PBX3: variants seen among roughly 807,000 people sequenced by gnomAD.
The protein encoded by PBX3 is pre-B-cell leukemia transcription factor 3.
In PBX3, 14 loss-of-function variants were observed where a neutral mutation model predicts 48.5. The observed-to-expected ratio is 0.29, with a 90% CI of 0.19 to 0.45. PBX3 has a LOEUF of 0.45. Among genes scored for constraint, PBX3 ranks in the 20% least tolerant of loss-of-function variants. The probability of loss-of-function intolerance (pLI) is 1.00; values close to 1 mark genes in which losing one functional copy is unlikely to be tolerated. For synonymous variants in PBX3, 210 were observed against 200.3 expected (o/e 1.05, Z -0.41); for missense variants, 386 against 546.7 (o/e 0.71, Z 2.93).
intron 2 of PBX3, among the ~76,000 whole-genome samples, chr9:125,826,167 A>G (rs575756395): frequency 1.2e-4 from 18 of 152,262 alleles, no homozygotes; most frequent in Non-Finnish European, 5.9e-5. Flanking sequence ...ATTTACCACA[A>G]TCTTACCAGG....
At chr9:125,750,058 A>G (rs1417795893) in intron 2 of PBX3, among the ~76,000 whole-genome samples, 2 of 152,240 alleles carry the variant, frequency 1.3e-5, no homozygotes, top group Non-Finnish European at 2.9e-5. Flanking sequence ...TGACTGTAAA[A>G]TAAGACATCT....
intron 2 of PBX3, among the ~76,000 whole-genome samples, chr9:125,804,779 T>C (rs907652048): frequency 2.0e-5 from 3 of 151,570 alleles, no homozygotes; most frequent in African/African-American, 7.3e-5. Context: ...AACCCCATCT[T>C]TACTAAAAAT....
chr9:125,783,578 C>T (rs1453202463), intron 2 of PBX3, among the ~76,000 whole-genome samples: 3 of 152,168 alleles, frequency 2.0e-5, no homozygotes, highest in Non-Finnish European at 2.9e-5. Flanking sequence ...TCAGCCACCA[C>T]GTGGGCCTGA....
intron 5 of PBX3, among the ~76,000 whole-genome samples, chr9:125,958,848 G>C (rs766068493): frequency 2.6e-5 from 4 of 152,188 alleles, no homozygotes; most frequent in African/African-American, 4.8e-5. Flanking sequence ...AGAGAAGAAG[G>C]CCAAGAGCTG....
intron 5 of PBX3, among the ~76,000 whole-genome samples, chr9:125,943,072 G>C (rs935364803): frequency 3.9e-5 from 6 of 152,032 alleles, no homozygotes; most frequent in African/African-American, 1.2e-4. Flanking sequence ...CAAGGATAAA[G>C]AGACAATTTT....
chr9:125,845,525 G>A (rs945706335), intron 2 of PBX3, among the ~76,000 whole-genome samples: 1 of 151,970 alleles, frequency 6.6e-6, no homozygotes, highest in Non-Finnish European at 1.5e-5. Context: ...TCAAATGAAC[G>A]GCTAACAGAT....
chr9:125,873,677 A>G (rs1840181134), intron 2 of PBX3, among the ~76,000 whole-genome samples: 1 of 152,184 alleles, frequency 6.6e-6, no homozygotes, highest in South Asian at 2.1e-4. Flanking sequence ...ACCAACACTT[A>G]GGAAATATGA....
intron 4 of PBX3, among the ~76,000 whole-genome samples, chr9:125,934,500 C>A (rs141134170): frequency 6.6e-6 from 1 of 152,098 alleles, no homozygotes. Flanking sequence ...ATCTTAATAA[C>A]AAAACCCAAA....
chr9:125,766,375 C>T (rs1203367048), intron 2 of PBX3, among the ~76,000 whole-genome samples: 3 of 151,992 alleles, frequency 2.0e-5, no homozygotes, highest in Non-Finnish European at 4.4e-5. Flanking sequence ...TGCTCCATTG[C>T]TATCATTAAT....
chr9:125,809,663 TAAAC>T (rs1352246970), intron 2 of PBX3, among the ~76,000 whole-genome samples: 2 of 152,218 alleles, frequency 1.3e-5, no homozygotes, highest in Middle Eastern at 3.4e-3. Context: ...AAAGATTTCT[TAAAC>T]AATATAAAAA....
intron 2 of PBX3, among the ~76,000 whole-genome samples, chr9:125,862,877 C>T (rs149689726): frequency 6.6e-6 from 1 of 151,766 alleles, no homozygotes; most frequent in Non-Finnish European, 1.5e-5. Context: ...CATGTGTGTA[C>T]AAGAGTGATG....
chr9:125,945,673 G>A (rs992128614), intron 5 of PBX3, among the ~76,000 whole-genome samples: 14 of 152,186 alleles, frequency 9.2e-5, no homozygotes, highest in African/African-American at 3.4e-4. Flanking sequence ...TACTGAAGAT[G>A]ATGATATTAT....
chr9:125,767,010 T>C (rs1352029858), intron 2 of PBX3, among the ~76,000 whole-genome samples: 1 of 152,228 alleles, frequency 6.6e-6, no homozygotes, highest in Non-Finnish European at 1.5e-5. Context: ...TTACAGTCAT[T>C]GTTGAACTGT....
rs776502993 is a variant in PBX3, at chr9:125,759,192, G to A, written c.274+10569G>A. On this transcript the variant is annotated intron_variant, in intron 2 of 8. Transcript: ENST00000373489. The surrounding 1 kb of genome is among the most constrained non-coding windows in gnomAD (Gnocchi z 4.2). ...GTCAGCACTAGTGTAAATATTTGTA[G>A]ACAACCATGTTTTACAGACTTCAGT... Among the ~76,000 whole-genome samples the A allele has an allele frequency of 6.6e-6, 1 of 152,196 alleles. No homozygotes were observed.
chr9:125,916,228 T>A (rs1207253736), intron 3 of PBX3, among the ~76,000 whole-genome samples: 1 of 152,222 alleles, frequency 6.6e-6, no homozygotes, highest in Admixed American at 6.5e-5. Context: ...CACCACTTGG[T>A]GCTCTTCAAA....
chr9:125,938,671 T>G (rs1161416765), intron 5 of PBX3, among the ~76,000 whole-genome samples: 1 of 152,112 alleles, frequency 6.6e-6, no homozygotes, highest in Admixed American at 6.5e-5. Flanking sequence ...GGAAGGAGCA[T>G]TGTTCTTTAA....
chr9:125,748,183 GC>G (rs1836256359), intron 1 of PBX3: 1 of 956,868 alleles, frequency 1.0e-6, no homozygotes. Flanking sequence ...CCCGCTGGCC[GC>G]AGTCGGCCGG....
chr9:125,873,668 C>G (rs1408695334), intron 2 of PBX3, among the ~76,000 whole-genome samples: 9 of 152,086 alleles, frequency 5.9e-5, no homozygotes, highest in Non-Finnish European at 1.2e-4. Context: ...ATAGTTTACA[C>G]CAACACTTAG....
At chr9:125,789,592 G>GTT (rs891183280) in intron 2 of PBX3, among the ~76,000 whole-genome samples, 5 of 152,104 alleles carry the variant, frequency 3.3e-5, no homozygotes, top group Non-Finnish European at 7.4e-5. Flanking sequence ...AAGTCACAGT[G>GTT]TTTTTGTAAC....
Sources: allele counts gnomAD v4.1 joint callset (sites outside exome capture counted in the v4.1 genomes callset), GRCh38; gene constraint gnomAD v4.1.1; non-coding constraint Gnocchi (gnomAD v3.1); transcripts MANE v1.5; gene names NCBI Gene and HGNC (gene_info 2026-07-23, HGNC 2026-07-21).